PRKACB: variants seen among roughly 807,000 people sequenced by gnomAD.
PRKACB encodes protein kinase cAMP-activated catalytic subunit beta.
PRKACB carries 16 observed loss-of-function variants against 51.4 expected under a neutral mutation model. That is an observed-to-expected ratio of 0.31 (90% CI 0.21 to 0.47). The LOEUF (loss-of-function observed/expected upper bound fraction) is 0.47. Among genes scored for constraint, PRKACB ranks in the 20% least tolerant of loss-of-function variants. The pLI is 1.00. For synonymous variants in PRKACB, 147 were observed against 154.4 expected (o/e 0.95, Z 0.35); for missense variants, 309 against 464.5 (o/e 0.67, Z 3.08).
chr1:84,204,872 G>A (rs538239459), intron 8 of PRKACB: 81 of 983,004 alleles, frequency 8.2e-5, no homozygotes, highest in Middle Eastern at 1.0e-3. Context: ...CATTGGCCTC[G>A]ATTTGCCAAT....
At chr1:84,159,800 T>C (rs549115190) in intron 1 of PRKACB, among the ~76,000 whole-genome samples, 1 of 152,106 alleles carries the variant, frequency 6.6e-6, no homozygotes, top group East Asian at 1.9e-4. Flanking sequence ...CTCATGGCTG[T>C]TGGATTTTGT....
At chr1:84,147,013 G>A (rs955068076) in intron 1 of PRKACB, among the ~76,000 whole-genome samples, 2 of 152,128 alleles carry the variant, frequency 1.3e-5, no homozygotes, top group East Asian at 1.9e-4. Context: ...ATTGACATGC[G>A]TTAAGTTCTC....
chr1:84,234,301 C>A (rs1057355252), intron 9 of PRKACB, among the ~76,000 whole-genome samples: 1 of 152,216 alleles, frequency 6.6e-6, no homozygotes. Context: ...GCTGGGAGAA[C>A]CACTGCTCTC....
intron 9 of PRKACB, among the ~76,000 whole-genome samples, chr1:84,217,002 A>C (rs1176729116): frequency 2.6e-5 from 4 of 152,154 alleles, no homozygotes; most frequent in African/African-American, 9.7e-5. Context: ...AAAAGGCAGC[A>C]AAAAAAGAGA....
chr1:84,201,380 T>A (rs1670055608), intron 7 of PRKACB, among the ~76,000 whole-genome samples: 1 of 152,122 alleles, frequency 6.6e-6, no homozygotes, highest in African/African-American at 2.4e-5. Context: ...TTATCTATTG[T>A]AATTTAACAT....
chr1:84,145,422 T>C (rs1375728618), intron 1 of PRKACB, among the ~76,000 whole-genome samples: 1 of 152,144 alleles, frequency 6.6e-6, no homozygotes, highest in Non-Finnish European at 1.5e-5. Context: ...CGTTTGACTC[T>C]TTCTGTTTAT....
chr1:84,204,942 C>A (rs1309847283), intron 8 of PRKACB: 1 of 974,652 alleles, frequency 1.0e-6, no homozygotes, highest in Non-Finnish European at 1.2e-6. Context: ...CATTTTATAT[C>A]AAACTTTAAA....
At chr1:84,187,514 A>G (rs1665499413) in intron 5 of PRKACB, among the ~76,000 whole-genome samples, 1 of 152,088 alleles carries the variant, frequency 6.6e-6, no homozygotes, top group African/African-American at 2.4e-5. Flanking sequence ...AGTTTGATGA[A>G]CTTTCTGTGT....
intron 1 of PRKACB, chr1:84,085,783 G>A (rs1043926370): frequency 6.9e-5 from 25 of 361,314 alleles, no homozygotes; most frequent in African/African-American, 2.5e-4. Context: ...GGCCTCAGTC[G>A]TCTCCAGGAA....
chr1:84,120,693 C>G (rs1424506413), intron 1 of PRKACB, among the ~76,000 whole-genome samples: 2 of 151,972 alleles, frequency 1.3e-5, no homozygotes, highest in Non-Finnish European at 2.9e-5. Flanking sequence ...ATAGTTCTCT[C>G]TTAATAGGGA....
chr1:84,100,091 A>G (rs567901454), intron 1 of PRKACB, among the ~76,000 whole-genome samples: 1 of 152,342 alleles, frequency 6.6e-6, no homozygotes, highest in South Asian at 2.1e-4. Context: ...CCACATGGCC[A>G]GAGAGGCCTC....
At chr1:84,202,566 C>T in intron 7 of PRKACB, 117 bp from the exon 8 acceptor site, 3 of 984,928 alleles carry the variant, frequency 3.0e-6, no homozygotes, top group Non-Finnish European at 4.4e-6. Flanking sequence ...AATAGCTGCT[C>T]AGCAATTGCT....
intron 9 of PRKACB, among the ~76,000 whole-genome samples, chr1:84,219,693 G>T (rs1673419615): frequency 6.6e-6 from 1 of 151,154 alleles, no homozygotes; most frequent in African/African-American, 2.4e-5. Flanking sequence ...TCCGCACCAT[G>T]TATTGAAGAG....
At chr1:84,180,183 G>GATATATATATATATATATAT (rs3051182) in intron 2 of PRKACB, among the ~76,000 whole-genome samples, 3,494 of 31,646 alleles carry the variant, frequency 0.11, 985 homozygotes, top group Non-Finnish European at 0.16. Context: ...AAGAAACTGT[G>GATATATATATATATATATAT]ATATATATAT....
At chr1:84,233,646 C>T (rs1392477436) in intron 9 of PRKACB, among the ~76,000 whole-genome samples, 3 of 123,398 alleles carry the variant, frequency 2.4e-5, no homozygotes, top group African/African-American at 6.5e-5. Flanking sequence ...CTTCCCTTCT[C>T]GCTTCATTTC....
chr1:84,163,793 CA>C (rs1264142281), intron 1 of PRKACB, among the ~76,000 whole-genome samples: 2 of 152,036 alleles, frequency 1.3e-5, no homozygotes, highest in Non-Finnish European at 2.9e-5. Context: ...TCCACATCAC[CA>C]AAAGTCCTGC....
chr1:84,086,476 C>A (rs1005220487), intron 1 of PRKACB, among the ~76,000 whole-genome samples: 1 of 152,152 alleles, frequency 6.6e-6, no homozygotes, highest in Non-Finnish European at 1.5e-5. Context: ...TCTCAAGATG[C>A]ATAGAGAGAG....
At chr1:84,223,957 T>G (rs1277783886) in intron 9 of PRKACB, among the ~76,000 whole-genome samples, 1 of 152,220 alleles carries the variant, frequency 6.6e-6, no homozygotes, top group Non-Finnish European at 1.5e-5. Flanking sequence ...TTTCCTCCAG[T>G]TTTTAGGATT....
intron 1 of PRKACB, among the ~76,000 whole-genome samples, chr1:84,138,017 A>ATTT (rs1442630517): frequency 6.6e-6 from 1 of 152,186 alleles, no homozygotes; most frequent in Admixed American, 6.5e-5. Context: ...CTCTCAGAAA[A>ATTT]GAGGGCCTAG....
Sources: gnomAD v4.1 joint callset for allele counts (sites outside exome capture counted in the v4.1 genomes callset) on GRCh38, gnomAD v4.1.1 for gene constraint, MANE v1.5 for transcripts, NCBI Gene and HGNC (gene_info 2026-07-23, HGNC 2026-07-21) for gene names.